The following CD34 variants were observed in gnomAD, a reference collection of about 807,000 sequenced individuals.
CD34 encodes the protein hematopoietic progenitor cell antigen CD34.
CD34 carries 34 observed loss-of-function variants against 40.1 expected under a neutral mutation model. That is an observed-to-expected ratio of 0.85 (90% CI 0.65 to 1.13). The LOEUF is 1.13. Among genes scored for constraint, CD34 ranks in the 50% most tolerant of loss-of-function variants. The pLI is 0.00. For synonymous variants in CD34, 209 were observed against 190.0 expected, an observed-to-expected ratio of 1.10 and a Z score of -0.82; for missense variants, 426 against 466.9, an observed-to-expected ratio of 0.91 and a Z score of 0.81.
Position 207,888,786 on chromosome 1 carries a change from T to G in CD34, c.868A>C (p.Thr290Pro). 6.2e-7 allele frequency: 1 copy of G among 1,614,116 alleles called. No individual in the cohort carries two copies. The highest frequency in any genetic ancestry group is 8.5e-7 in the Non-Finnish European group (1 of 1,179,994). ...CCCGAGGTGACCAGTGCAATCAGGGTCTTTTGGGAATAGCTCTGGTGGCTT... is the reference window on the plus strand; with the variant it reads ...CCCGAGGTGACCAGTGCAATCAGGGGCTTTTGGGAATAGCTCTGGTGGCTT... ...VASHQSYSQK[T>P]LIALVTSGAL... The change falls in exon 7 of 8, where the codon ACC (threonine) becomes CCC (proline). Residue 290 changes from threonine to proline, a missense_variant. Thr to Pro is a conservative substitution (Grantham distance 38). Coordinates refer to ENST00000310833, the MANE Select transcript of CD34 (RefSeq NM_001025109.2).
chr1:207,911,051 C>A lies in CD34; in HGVS notation c.30G>T (p.Gly10=). The A allele has an allele frequency of 6.3e-7, 1 of 1,592,740 alleles. No individual in the cohort carries two copies. Among genetic ancestry groups the A allele is most frequent in the South Asian group, 1.1e-5 (1 of 88,604 alleles). MLVRRGARA[G]PRMPRGWTAL... ...CGGTCCAGCCCCGCGGCATCCTGGG[C>A]CCTGCGCGCGCGCCCCTGCGGACCA... is the stretch of plus-strand genomic sequence containing the variant. The change falls in exon 1 of 8, where the codon GGG becomes GGT. Residue 10 remains glycine, a synonymous_variant. Coordinates refer to ENST00000310833, the MANE Select transcript of CD34 (RefSeq NM_001025109.2).
Position 207,884,058 on chromosome 1 carries a change from C to G in CD34, c.*3680G>C, listed in dbSNP as rs935320095. The G allele has an allele frequency of 6.6e-6, 1 of 152,256 alleles. No homozygotes were observed. The highest frequency in any genetic ancestry group is 2.4e-5 in the African/African-American group (1 of 41,440). The allele number at this position is 152,256 out of a possible 1,614,324, so 9.4% of individuals were successfully genotyped here. Reference sequence around the variant, plus strand: ...CCTCCTGCCTCTCCCCACCCCCACTCACTGACACAACCTCATGGCCATCTT... The same window carrying G: ...CCTCCTGCCTCTCCCCACCCCCACTGACTGACACAACCTCATGGCCATCTT... On this transcript the variant is annotated 3_prime_UTR_variant, in exon 8 of 8. Transcript: ENST00000310833.
chr1:207,888,086 T>C (rs778407137), intron 7 of CD34, 163 bp from the exon 8 acceptor site: 1 of 1,613,926 alleles, frequency 6.2e-7, no homozygotes, highest in South Asian at 1.1e-5. Flanking sequence ...TGCAGACTCC[T>C]TTCTTCCTGA....
intron 4 of CD34, among the ~76,000 whole-genome samples, chr1:207,893,797 T>A (rs1317035186): frequency 2.6e-5 from 4 of 152,180 alleles, no homozygotes; most frequent in Admixed American, 2.6e-4. Context: ...GATATACAAA[T>A]GGCCAACAAA....
At chr1:207,888,990 GACGTCTCTTAAT>G in intron 6 of CD34, 144 bp from the exon 7 acceptor site, 1 of 949,700 alleles carries the variant, frequency 1.1e-6, no homozygotes, top group Non-Finnish European at 1.6e-6. Flanking sequence ...ATTTGAGACT[GACGTCTCTTAAT>G]TCAGTCATAC....
intron 2 of CD34, 114 bp from the exon 3 acceptor site, chr1:207,899,340 A>C (rs1472805185): frequency 8.8e-7 from 1 of 1,140,560 alleles, no homozygotes; most frequent in African/African-American, 1.5e-5. Context: ...TTGGGGAGTT[A>C]ACAGTTACTT....
rs1304464321 is a variant in CD34, at chr1:207,908,550, C to T, written c.79+2452G>A. 2.6e-5 allele frequency among the ~76,000 whole-genome samples: 4 copies of T among 152,158 alleles called. No homozygotes were observed. The East Asian group carries it at 5.8e-4, about 22-fold the overall frequency. On this transcript the variant is annotated intron_variant, in intron 1 of 7. Coordinates refer to ENST00000310833, the MANE Select transcript of CD34 (RefSeq NM_001025109.2). ...GATATGGGTGTGGGGTCAGCAGGCA[C>T]GAAGGACCCAAAGGAAGAAGAGGAA...
chr1:207,891,651 CT>C (rs984363283), intron 4 of CD34, among the ~76,000 whole-genome samples: 4 of 151,714 alleles, frequency 2.6e-5, no homozygotes, highest in Non-Finnish European at 5.9e-5. Context: ...GACAGAGACC[CT>C]GGCTCAAAAA....
Position 207,887,746 on chromosome 1 carries a change from C to T in CD34, c.1150G>A (p.Glu384Lys), listed in dbSNP as rs768640209. 7.4e-6 allele frequency: 12 copies of T among 1,614,132 alleles called. No homozygotes were observed. The highest frequency in any genetic ancestry group is 3.3e-5 in the Admixed American group (2 of 60,018). The change falls in exon 8 of 8, where the codon GAA (glutamate) becomes AAA (lysine). Residue 384 changes from glutamate to lysine, a missense_variant. Glu to Lys is a moderately conservative substitution (Grantham distance 56). Transcript: ENST00000310833. ...TGCCCCACCTAGCCGAGTCACAATT[C>T]GGTATCAGCCACCACGTGTTGTCTT... The part of the protein sequence containing the change: ...SARQHVVADT[E>K]L
chr1:207,908,995 C>T (rs1057317858), intron 1 of CD34, among the ~76,000 whole-genome samples: 9 of 152,190 alleles, frequency 5.9e-5, no homozygotes, highest in African/African-American at 2.2e-4. Flanking sequence ...TCAGTTATCT[C>T]ATTTATCCCA....
chr1:207,892,931 T>A (rs1239453999), intron 4 of CD34, among the ~76,000 whole-genome samples: 1 of 152,114 alleles, frequency 6.6e-6, no homozygotes, highest in African/African-American at 2.4e-5. Context: ...TTGGACTAGA[T>A]TCAAGGGAAT....
rs1661932753 is a variant in CD34 at position 207,887,801 on chromosome 1, G to T, written c.1095C>A (p.Gly365=). The T allele has an allele frequency of 1.2e-6, 2 of 1,614,198 alleles. No individual in the cohort carries two copies. The highest frequency in any genetic ancestry group is 4.5e-5 in the East Asian group (2 of 44,888). The change falls in exon 8 of 8, where the codon GGC becomes GGA. Residue 365 remains glycine (G), a synonymous_variant. Transcript: ENST00000310833. ...AATGGCCGTTTCTGGAGGTGGCCTG[G>T]CCGGTCCCGTTTTCCTGAGCCCCTC... ...VNRGAQENGT[G]QATSRNGHSA...
At chr1:207,899,268 T>C in intron 2 of CD34, 42 bp from the exon 3 acceptor site, 1 of 1,601,914 alleles carries the variant, frequency 6.2e-7, no homozygotes, top group Non-Finnish European at 8.5e-7. Flanking sequence ...GTGCATGTGC[T>C]CATAGATACA....
rs764339451 is a variant in CD34, at chr1:207,899,975, G to A, written c.108C>T (p.Asn36=). The A allele has an allele frequency of 1.9e-5, 30 of 1,612,208 alleles. No individual in the cohort carries two copies. The highest frequency in any genetic ancestry group is 1.1e-4 in the African/African-American group (8 of 74,836). The change falls in exon 2 of 8, where the codon AAC becomes AAT. Residue 36 remains asparagine, a synonymous_variant. Transcript: ENST00000310833. ...LPSGFMSLDN[N]GTATPELPTQ... Reference sequence around the variant, plus strand: ...TAGGTAACTCTGGGGTAGCAGTACCGTTGTTGTCAAGACTCATGAACCCAG... The same window carrying A: ...TAGGTAACTCTGGGGTAGCAGTACCATTGTTGTCAAGACTCATGAACCCAG...
At chr1:207,902,577 CTCT>C (rs1367653431) in intron 1 of CD34, among the ~76,000 whole-genome samples, 19 of 152,296 alleles carry the variant, frequency 1.2e-4, no homozygotes, top group African/African-American at 4.3e-4. Context: ...TCCAAGACTC[CTCT>C]TCTTGCCTGC....
At position 207,885,727 on chromosome 1, in the gene CD34, C is replaced by T. The variant is rs1249300845; in HGVS notation, c.*2011G>A. The T allele has an allele frequency of 1.3e-5, 2 of 152,212 alleles. No individual in the cohort carries two copies. The highest frequency in any genetic ancestry group is 2.4e-5 in the African/African-American group (1 of 41,418). 9.4% of individuals were successfully genotyped at this position (152,212 alleles called of 1,614,324 possible). A position where few individuals can be genotyped will look rare whatever the true frequency, so the allele number is the denominator to read the frequency against. On this transcript the variant is annotated 3_prime_UTR_variant, in exon 8 of 8. Coordinates refer to ENST00000310833, the MANE Select transcript of CD34 (RefSeq NM_001025109.2). The stretch of plus-strand genomic sequence containing the variant: ...CTCTGAACCTCATCATTTCGCCTCC[C>T]CTCTGTCCTAGGGAAGAACCTATGA...
chr1:207,898,876 T>C (rs1662205122), intron 3 of CD34, 97 bp downstream of exon 3: 1 of 1,293,262 alleles, frequency 7.7e-7, no homozygotes, highest in Non-Finnish European at 1.1e-6. Flanking sequence ...CAAATCCCAC[T>C]GGCAGGGATG....
At chr1:207,892,074 G>A (rs917663935) in intron 4 of CD34, among the ~76,000 whole-genome samples, 2 of 152,144 alleles carry the variant, frequency 1.3e-5, no homozygotes, top group African/African-American at 4.8e-5. Context: ...CAAAGAGAAT[G>A]AAGAACACTA....
chr1:207,891,697 G>C (rs1477539174), intron 4 of CD34, among the ~76,000 whole-genome samples: 2 of 151,496 alleles, frequency 1.3e-5, no homozygotes, highest in South Asian at 4.2e-4. Flanking sequence ...AGATGCCTAT[G>C]ATATCCAGGC....
Sources: allele counts gnomAD v4.1 joint callset (sites outside exome capture counted in the v4.1 genomes callset), GRCh38; gene constraint gnomAD v4.1.1; transcripts MANE v1.5; gene names NCBI Gene and HGNC (gene_info 2026-07-23, HGNC 2026-07-21).